CRAMP1: variants seen among roughly 807,000 people sequenced by gnomAD.
The protein encoded by CRAMP1 is cramped chromatin regulator 1.
In CRAMP1, 50 loss-of-function variants were observed where a neutral mutation model predicts 115.4. That is an observed-to-expected ratio of 0.43 (90% CI 0.35 to 0.55). The LOEUF is 0.55. CRAMP1 is among the 20% of genes least tolerant of loss of function. The pLI is 0.01. For missense variants in CRAMP1, 1,679 were observed against 1,721.7 expected, an observed-to-expected ratio of 0.98 and a Z score of 0.44; for synonymous variants, 866 against 745.4, an observed-to-expected ratio of 1.16 and a Z score of -2.64.
At chr16:1,660,135 C>G (rs891041804) in intron 11 of CRAMP1, 72 bp downstream of exon 11, 4 of 1,323,810 alleles carry the variant, frequency 3.0e-6, no homozygotes, top group Non-Finnish European at 4.0e-6. Flanking sequence ...GGGGCCGTGC[C>G]GAAGCTGAGA....
intron 2 of CRAMP1, among the ~76,000 whole-genome samples, chr16:1,619,200 A>G (rs1002839015): frequency 6.6e-6 from 1 of 152,180 alleles, no homozygotes; most frequent in Non-Finnish European, 1.5e-5. Context: ...TTTGTTTTTG[A>G]GACGGAGTCT....
rs1361065315 is a variant in CRAMP1, at chr16:1,612,389, C to G, written c.-270C>G. On this transcript the variant is annotated 5_prime_UTR_variant, in exon 1 of 21. Coordinates refer to ENST00000397412, the MANE Select transcript of CRAMP1 (RefSeq NM_020825.4). ...TCCCCACCGGCCGCCGTAGCCGGAA[C>G]TGCTGCTGAGGGCGGCGGGCCGGCT... is the stretch of plus-strand genomic sequence containing the variant. 1 of 151,692 alleles carries G rather than the reference C, an allele frequency of 6.6e-6. No homozygotes were observed. Among genetic ancestry groups the G allele is most frequent in the Non-Finnish European group, 1.5e-5 (1 of 67,760 alleles). The allele number at this position is 151,692 out of a possible 1,614,324, so 9.4% of individuals were successfully genotyped here. A position where few individuals can be genotyped will look rare whatever the true frequency, so the allele number is the denominator to read the frequency against.
intron 2 of CRAMP1, among the ~76,000 whole-genome samples, chr16:1,622,860 C>T (rs1196709133): frequency 6.6e-6 from 1 of 150,952 alleles, no homozygotes; most frequent in Non-Finnish European, 1.5e-5. Flanking sequence ...CTCCCGGTTT[C>T]AAGTGATTCT....
chr16:1,614,613 G>A lies in CRAMP1; in HGVS notation c.-1-26G>A. The A allele has an allele frequency of 3.3e-6, 4 of 1,220,326 alleles. No homozygotes were observed. Among genetic ancestry groups the A allele is most frequent in the Non-Finnish European group, 4.1e-6 (4 of 975,170 alleles). The allele number at this position is 1,220,326 out of a possible 1,614,324, so 75.6% of individuals were successfully genotyped here. On this transcript the variant is annotated intron_variant, in intron 1 of 20. Transcript: ENST00000397412. The surrounding 1 kb of genome is among the most constrained non-coding windows in gnomAD (Gnocchi z 4.4). ...CTTCCCGGCCTGCGCCCGCCTCACC[G>A]GCCGCCTCCCCTCTCCCGGCCGCAG...
chr16:1,639,681 T>C (rs372393330), intron 5 of CRAMP1, among the ~76,000 whole-genome samples: 5 of 152,282 alleles, frequency 3.3e-5, no homozygotes, highest in African/African-American at 9.6e-5. Flanking sequence ...TGTACTCCTA[T>C]GTAAATGTCC....
intron 4 of CRAMP1, among the ~76,000 whole-genome samples, chr16:1,633,557 T>G (rs750585665): frequency 6.6e-6 from 1 of 152,256 alleles, no homozygotes; most frequent in Non-Finnish European, 1.5e-5. Context: ...AGTTCCGTTT[T>G]GTCCTATATT....
At chr16:1,638,785 C>G (rs1371715225) in intron 5 of CRAMP1, among the ~76,000 whole-genome samples, 1 of 152,058 alleles carries the variant, frequency 6.6e-6, no homozygotes, top group African/African-American at 2.4e-5. Context: ...CTGTCTGTGC[C>G]AGGCCTGCAC....
At chr16:1,619,176 T>G (rs1343774196) in intron 2 of CRAMP1, among the ~76,000 whole-genome samples, 1 of 152,112 alleles carries the variant, frequency 6.6e-6, no homozygotes, top group African/African-American at 2.4e-5. Flanking sequence ...CGGGGTTTTG[T>G]TTTTTGTTTT....
Position 1,638,468 on chromosome 16 carries a change from G to T in CRAMP1, c.778+561G>T, listed in dbSNP as rs929309668. Among the ~76,000 whole-genome samples, 2 of 152,204 alleles carry T rather than the reference G, an allele frequency of 1.3e-5. 1 individual carries two copies. The highest frequency in any genetic ancestry group is 2.9e-5 in the Non-Finnish European group (2 of 68,034). The stretch of plus-strand genomic sequence containing the variant: ...CTTCTGAGACATTGCAACGCGCTCA[G>T]GCCTTCCTCACGCAGGCCCTTGCTT... On this transcript the variant is annotated intron_variant, in intron 5 of 20. Transcript: ENST00000397412.
intron 6 of CRAMP1, among the ~76,000 whole-genome samples, chr16:1,648,755 G>A (rs1352164469): frequency 1.3e-5 from 2 of 151,992 alleles, no homozygotes; most frequent in African/African-American, 2.4e-5. Context: ...CTGGGTTAAG[G>A]TGGTTTAAGA....
At chr16:1,628,275 C>T (rs574057103) in intron 3 of CRAMP1, among the ~76,000 whole-genome samples, 24 of 152,258 alleles carry the variant, frequency 1.6e-4, no homozygotes, top group African/African-American at 5.5e-4. Flanking sequence ...TGTTTTGAAA[C>T]GGAGTTTCGC....
At chr16:1,622,247 C>T (rs2142170583) in intron 2 of CRAMP1, among the ~76,000 whole-genome samples, 1 of 152,298 alleles carries the variant, frequency 6.6e-6, no homozygotes, top group East Asian at 1.9e-4. Context: ...GCGCAGTGGC[C>T]CATGCCTGTA....
Position 1,674,100 on chromosome 16 carries a change from GC to G in CRAMP1, c.*58del. 6.5e-7 allele frequency: 1 copy of G among 1,540,596 alleles called. No homozygotes were observed. The highest frequency in any genetic ancestry group is 1.9e-5 in the Admixed American group (1 of 53,434). The stretch of plus-strand genomic sequence containing the variant: ...CTTCGAGCTAGAGAAAAATAGATAA[GC>G]CCAGCAGCCCCAGAAGATGGTCTGA... On this transcript the variant is annotated 3_prime_UTR_variant, in exon 21 of 21. Transcript: ENST00000397412.
chr16:1,670,498 C>T (rs557254279), intron 19 of CRAMP1, 166 bp from the exon 20 acceptor site: 13 of 692,302 alleles, frequency 1.9e-5, no homozygotes, highest in South Asian at 5.2e-5. Context: ...GAGAAGAGCT[C>T]GTCACGGCGT....
At chr16:1,618,004 C>T (rs1397119959) in intron 2 of CRAMP1, among the ~76,000 whole-genome samples, 1 of 152,206 alleles carries the variant, frequency 6.6e-6, no homozygotes, top group Non-Finnish European at 1.5e-5. Flanking sequence ...GACATTCCTG[C>T]AGCTCTAATA....
chr16:1,641,912 C>A (rs1012282726), intron 6 of CRAMP1, among the ~76,000 whole-genome samples: 5 of 151,918 alleles, frequency 3.3e-5, no homozygotes, highest in Admixed American at 1.3e-4. Context: ...GGGGGGGGGT[C>A]CCCGTTCCAC....
At position 1,671,271 on chromosome 16, in the gene CRAMP1, C is replaced by T. The variant is rs2036919877; in HGVS notation, c.3645+462C>T. Among the ~76,000 whole-genome samples the T allele has an allele frequency of 6.6e-6, 1 of 152,162 alleles. No homozygotes were observed. Among genetic ancestry groups the T allele is most frequent in the Non-Finnish European group, 1.5e-5 (1 of 68,038 alleles). On this transcript the variant is annotated intron_variant, in intron 20 of 20. Coordinates refer to ENST00000397412, the MANE Select transcript of CRAMP1 (RefSeq NM_020825.4). This position sits in a 1 kb window ranked among gnomAD's most constrained non-coding sequence, Gnocchi z 5.0. ...CTCCCTGTCATGTTGAGCTGCGGTGCAGGGGAACTGGGATGGGCTCTGCTG... is the reference window on the plus strand; with the variant it reads ...CTCCCTGTCATGTTGAGCTGCGGTGTAGGGGAACTGGGATGGGCTCTGCTG...
rs2036971180 is a variant in CRAMP1 at position 1,676,673 on chromosome 16, C to CA, written c.*2628_*2629insA. ...GAATCCCTCTGACGTTGCCTGGGAT[C>CA]TTTCTGTTGATTCGTCTTTTCTGGA... On this transcript the variant is annotated 3_prime_UTR_variant, in exon 21 of 21. Transcript: ENST00000397412. The CA allele has an allele frequency of 6.6e-6, 1 of 152,254 alleles. No homozygotes were observed. Among genetic ancestry groups the CA allele is most frequent in the African/African-American group, 2.4e-5 (1 of 41,460 alleles). 9.4% of individuals were successfully genotyped at this position (152,254 alleles called of 1,614,324 possible). A position where few individuals can be genotyped will look rare whatever the true frequency, so the allele number is the denominator to read the frequency against.
intron 8 of CRAMP1, among the ~76,000 whole-genome samples, chr16:1,654,909 G>A (rs1011417194): frequency 3.9e-5 from 6 of 152,256 alleles, no homozygotes; most frequent in Non-Finnish European, 7.3e-5. Flanking sequence ...AGAAGGAGCT[G>A]GTAGACTAGG....
Sources: allele counts gnomAD v4.1 joint callset (sites outside exome capture counted in the v4.1 genomes callset), GRCh38; gene constraint gnomAD v4.1.1; non-coding constraint Gnocchi (gnomAD v3.1); transcripts MANE v1.5; gene names NCBI Gene and HGNC (gene_info 2026-07-23, HGNC 2026-07-21).